Variants in PTPRB observed in about 807,000 individuals in gnomAD.
PTPRB encodes the protein protein tyrosine phosphatase receptor type B.
Under a neutral mutation model 238.1 loss-of-function variants are expected in PTPRB, and 97 were observed. The observed-to-expected ratio is 0.41, with a 90% confidence interval of 0.35 to 0.48. The LOEUF (loss-of-function observed/expected upper bound fraction) is 0.48, where lower values mean the gene tolerates loss of function less well. Ranked by LOEUF, PTPRB falls within the 20% of genes least tolerant of loss-of-function variation. The pLI is 0.30. For synonymous variants in PTPRB, 970 were observed against 995.4 expected (o/e 0.97, Z 0.48); for missense variants, 2,292 against 2,681.9 (o/e 0.85, Z 3.21).
intron 32 of PTPRB, among the ~76,000 whole-genome samples, chr12:70,531,593 A>G (rs193220909): frequency 9.2e-5 from 14 of 152,296 alleles, no homozygotes; most frequent in Admixed American, 4.6e-4. Flanking sequence ...AGTAGAATAT[A>G]ATATGTCTCG....
intron 3 of PTPRB, among the ~76,000 whole-genome samples, chr12:70,616,863 G>A (rs1884702526): frequency 6.6e-6 from 1 of 151,976 alleles, no homozygotes; most frequent in South Asian, 2.1e-4. Flanking sequence ...TGATTATACA[G>A]TCATCCCTCA....
intron 4 of PTPRB, among the ~76,000 whole-genome samples, chr12:70,601,726 A>AT (rs1883505021): frequency 6.6e-6 from 1 of 151,946 alleles, no homozygotes; most frequent in South Asian, 2.1e-4. Flanking sequence ...ACGGAAAAGA[A>AT]TTGTGCACAA....
In PTPRB at chr12:70,516,942, T is replaced by A. The variant is rs556254379; in HGVS notation, c.*4547A>T. 1 of 152,354 alleles carries A rather than the reference T, an allele frequency of 6.6e-6. No individual in the cohort carries two copies. The highest frequency in any genetic ancestry group is 2.1e-4 in the South Asian group (1 of 4,828). The allele number at this position is 152,354 out of a possible 1,614,324, so 9.4% of individuals were successfully genotyped here. A position where few individuals can be genotyped will look rare whatever the true frequency, so the allele number is the denominator to read the frequency against. ...AATAAAATGCCTTATTTGTGTTGCA[T>A]ACATTTATTCCGAGGGAGCCTCCCT... On this transcript the variant is annotated 3_prime_UTR_variant, in exon 34 of 34. Coordinates refer to ENST00000334414, the MANE Select transcript of PTPRB (RefSeq NM_001109754.4).
At chr12:70,542,953 TTTA>T (rs998795233) in intron 22 of PTPRB, 9 of 151,814 alleles carry the variant, frequency 5.9e-5, no homozygotes, top group African/African-American at 2.2e-4. Flanking sequence ...AATTTGTGTT[TTTA>T]TTATTAAATT....
At chr12:70,573,720 T>C (rs908069734) in intron 11 of PTPRB, among the ~76,000 whole-genome samples, 3 of 152,008 alleles carry the variant, frequency 2.0e-5, no homozygotes, top group Non-Finnish European at 4.4e-5. Flanking sequence ...TTGGCCAGGC[T>C]GGTCTCAAAC....
At chr12:70,564,205 T>G (rs938389384) in intron 15 of PTPRB, among the ~76,000 whole-genome samples, 3 of 152,216 alleles carry the variant, frequency 2.0e-5, no homozygotes, top group African/African-American at 7.2e-5. Flanking sequence ...CTTTGGGGAC[T>G]GTACTATCTA....
At chr12:70,534,365 C>T in intron 31 of PTPRB, 123 bp downstream of exon 31, 1 of 1,069,614 alleles carries the variant, frequency 9.3e-7, no homozygotes, top group Non-Finnish European at 1.3e-6. Flanking sequence ...GGGGGCGAGG[C>T]AGGCTGGTTG....
chr12:70,544,793 G>T, intron 21 of PTPRB, 130 bp from the exon 22 acceptor site: 2 of 551,754 alleles, frequency 3.6e-6, no homozygotes, highest in Non-Finnish European at 6.3e-6. Flanking sequence ...TTATGGAATC[G>T]GATAGACCTG....
chr12:70,621,837 T>G (rs1884949702), intron 3 of PTPRB, among the ~76,000 whole-genome samples: 1 of 152,246 alleles, frequency 6.6e-6, no homozygotes, highest in Admixed American at 6.5e-5. Flanking sequence ...GAATCACTAT[T>G]TGAACAGACT....
intron 4 of PTPRB, among the ~76,000 whole-genome samples, chr12:70,606,776 C>G (rs190358329): frequency 6.6e-6 from 1 of 152,264 alleles, no homozygotes; most frequent in African/African-American, 2.4e-5. Context: ...GTAGAAAGAA[C>G]TACTGACAAA....
intron 7 of PTPRB, 55 bp downstream of exon 7, chr12:70,592,227 G>T: frequency 6.2e-7 from 1 of 1,610,610 alleles, no homozygotes; most frequent in African/African-American, 1.3e-5. Context: ...CTATTTTAAG[G>T]TGGATCAGAG....
rs34902691 is a variant in PTPRB at position 70,566,590 on chromosome 12, G to A, written c.3749C>T (p.Thr1250Ile). The A allele has an allele frequency of 7.6e-4, 1,224 of 1,613,968 alleles. 2 individuals carry two copies. In the African/African-American group the frequency reaches 0.012, roughly 16 times the overall value. The change falls in exon 15 of 34, where the codon ACT (threonine) becomes ATT (isoleucine). Residue 1250 changes from threonine (T) to isoleucine (I), a missense_variant. Coordinates refer to ENST00000334414, the MANE Select transcript of PTPRB (RefSeq NM_001109754.4). ...GTTGCGCAGAAGGATTCCATTTTCA[G>A]TTAGAAGCAGGATATCATATCTTTC... ...VAERYDILLLTENGILLRNTS... is the reference protein window; with the variant it reads ...VAERYDILLLIENGILLRNTS...
chr12:70,606,591 T>G (rs1046426593), intron 4 of PTPRB, among the ~76,000 whole-genome samples: 9 of 152,384 alleles, frequency 5.9e-5, no homozygotes, highest in Admixed American at 1.3e-4. Flanking sequence ...ACAGATATTT[T>G]CAATTACTTT....
intron 2 of PTPRB, among the ~76,000 whole-genome samples, chr12:70,627,645 T>C (rs1393462147): frequency 6.6e-6 from 1 of 152,070 alleles, no homozygotes; most frequent in Non-Finnish European, 1.5e-5. Flanking sequence ...AGGCTGAATA[T>C]GGTTGGGGAA....
In PTPRB at chr12:70,635,820, A is replaced by G; in HGVS notation, c.302T>C (p.Phe101Ser). 1 of 1,613,658 alleles carries G rather than the reference A, an allele frequency of 6.2e-7. No individual in the cohort carries two copies. The highest frequency in any genetic ancestry group is 8.5e-7 in the Non-Finnish European group (1 of 1,179,780). Residue 101 changes from phenylalanine (F) to serine (S), a missense_variant, in exon 2 of 34, where the codon TTC (phenylalanine) becomes TCC (serine). By Grantham distance (155) the Phe-to-Ser change is radical (BLOSUM62 -2). Coordinates refer to ENST00000334414, the MANE Select transcript of PTPRB (RefSeq NM_001109754.4). ...GAGAGAGGCATTTTCCACCTCAAGG[A>G]AGCCTTCCTGATCATAGCAGGTCCA... Reference protein sequence around the residue: ...PRWTCYDQEGFLEVENASLFL... With the variant: ...PRWTCYDQEGSLEVENASLFL...
At chr12:70,575,742 A>C (rs1277309769) in intron 11 of PTPRB, among the ~76,000 whole-genome samples, 1 of 152,242 alleles carries the variant, frequency 6.6e-6, no homozygotes, top group African/African-American at 2.4e-5. Flanking sequence ...GCATAAATAT[A>C]TTGGGAAAAT....
At chr12:70,538,851 C>T (rs1415153529) in intron 27 of PTPRB, 73 bp downstream of exon 27, 3 of 1,201,898 alleles carry the variant, frequency 2.5e-6, no homozygotes, top group African/African-American at 1.5e-5. Context: ...TCTTTAGCCT[C>T]ATTTCATTTT....
intron 5 of PTPRB, among the ~76,000 whole-genome samples, chr12:70,595,482 A>G (rs546926189): frequency 6.6e-6 from 1 of 152,280 alleles, no homozygotes; most frequent in African/African-American, 2.4e-5. Flanking sequence ...AAAAAAATTT[A>G]AGAAGAGAGA....
intron 21 of PTPRB, among the ~76,000 whole-genome samples, chr12:70,547,461 A>G (rs926604890): frequency 2.0e-5 from 3 of 152,002 alleles, no homozygotes; most frequent in African/African-American, 7.2e-5. Flanking sequence ...CTCTCTGATA[A>G]GAGTTTCTTA....
Sources: allele counts gnomAD v4.1 joint callset (sites outside exome capture counted in the v4.1 genomes callset), GRCh38; gene constraint gnomAD v4.1.1; transcripts MANE v1.5; gene names NCBI Gene and HGNC (gene_info 2026-07-23, HGNC 2026-07-21).